Variants in TMEM44 observed in about 807,000 individuals in gnomAD.
The protein encoded by TMEM44 is transmembrane protein 44.
In TMEM44, 43 loss-of-function variants were observed where a neutral mutation model predicts 47.8. The ratio of observed to expected loss-of-function variants is 0.90; its 90% CI spans 0.70 to 1.16. TMEM44 has a LOEUF of 1.16. Among genes scored for constraint, TMEM44 ranks in the 50% most tolerant of loss-of-function variants. TMEM44 has a pLI of 0.00. For synonymous variants in TMEM44, 277 were observed against 238.8 expected, an observed-to-expected ratio of 1.16 and a Z score of -1.48; for missense variants, 568 against 555.2, an observed-to-expected ratio of 1.02 and a Z score of -0.23.
chr3:194,595,614 T>C (rs1469024161), intron 9 of TMEM44, among the ~76,000 whole-genome samples: 4 of 28,000 alleles, frequency 1.4e-4, no homozygotes, highest in Admixed American at 4.1e-4. Flanking sequence ...CCAGCTTCAG[T>C]TCTCATTCTC....
chr3:194,623,333 C>T (rs1716782912), intron 4 of TMEM44, 23 bp from the exon 5 acceptor site: 2 of 1,588,390 alleles, frequency 1.3e-6, no homozygotes, highest in African/African-American at 1.3e-5. Context: ...ACAGGTGATC[C>T]ACCATCAGTA....
intron 3 of TMEM44, among the ~76,000 whole-genome samples, chr3:194,625,444 T>TG (rs1717052295): frequency 9.1e-5 from 11 of 120,294 alleles, no homozygotes; most frequent in Admixed American, 5.1e-4. Flanking sequence ...GGGGGGGGGT[T>TG]GTTTTTGTTT....
intron 9 of TMEM44, among the ~76,000 whole-genome samples, chr3:194,594,117 T>TTCTTTCTA (rs1553824378): frequency 1.1e-3 from 96 of 85,558 alleles, no homozygotes; most frequent in South Asian, 2.1e-3. Flanking sequence ...TGGCCTAATT[T>TTCTTTCTA]TCTATCTATC....
rs1482358276 is a variant in TMEM44, at chr3:194,611,629, G to A, written c.913-609C>T. Among the ~76,000 whole-genome samples, 1 of 152,228 alleles carries A rather than the reference G, an allele frequency of 6.6e-6. No individual in the cohort carries two copies. The highest frequency in any genetic ancestry group is 1.5e-5 in the Non-Finnish European group (1 of 68,040). On this transcript the variant is annotated intron_variant, in intron 7 of 9. Coordinates refer to ENST00000347147, the MANE Select transcript of TMEM44 (RefSeq NM_001011655.3). The surrounding 1 kb of genome is among the most constrained non-coding windows in gnomAD (Gnocchi z 4.2). ...CCAGATGATTCTAACGTGCGGCCAA[G>A]TTTGCGAACCACTGCAATAGGTGCC...
chr3:194,624,502 T>C (rs1428871198), intron 3 of TMEM44, among the ~76,000 whole-genome samples: 2 of 152,120 alleles, frequency 1.3e-5, no homozygotes, highest in Admixed American at 1.3e-4. Context: ...CACTGCAGCC[T>C]CCACCTCCTG....
intron 1 of TMEM44, among the ~76,000 whole-genome samples, chr3:194,630,103 T>C (rs1717634218): frequency 9.0e-6 from 1 of 111,532 alleles, no homozygotes; most frequent in African/African-American, 3.5e-5. Flanking sequence ...GCTGGCTGTT[T>C]CCATCGGCGT....
chr3:194,627,448 T>TGTTA (rs1283715187), intron 2 of TMEM44, among the ~76,000 whole-genome samples: 3 of 151,380 alleles, frequency 2.0e-5, no homozygotes, highest in Non-Finnish European at 2.9e-5. Flanking sequence ...CACACAGGTT[T>TGTTA]GAGGGCCTAC....
At chr3:194,598,584 G>A (rs9839757) in intron 9 of TMEM44, among the ~76,000 whole-genome samples, 64,747 of 151,914 alleles carry the variant, frequency 0.43, 14,653 homozygotes, top group East Asian at 0.77. Flanking sequence ...AAACGGTGCT[G>A]GGAAGCGATA....
intron 3 of TMEM44, among the ~76,000 whole-genome samples, chr3:194,624,888 A>G (rs1012079285): frequency 1.3e-5 from 2 of 151,432 alleles, no homozygotes; most frequent in African/African-American, 4.9e-5. Flanking sequence ...TAATTTTTGT[A>G]TTTTTTTAGT....
rs1158214255 is a variant in TMEM44 at position 194,610,976 on chromosome 3, T to C, written c.957A>G (p.Ser319=). 1.2e-6 allele frequency: 2 copies of C among 1,613,952 alleles called. No homozygotes were observed. Among genetic ancestry groups the C allele is most frequent in the Non-Finnish European group, 1.7e-6 (2 of 1,180,016 alleles). Residue 319 remains serine, a synonymous_variant, in exon 8 of 10, where the codon TCA becomes TCG. Transcript: ENST00000347147. ...GACTGATTGCTGTCATTGTCCTCAGTGACTTGCAGTGTGACAGTGTGGTGA... is the reference window on the plus strand; with the variant it reads ...GACTGATTGCTGTCATTGTCCTCAGCGACTTGCAGTGTGACAGTGTGGTGA... The part of the protein sequence containing the change: ...VPLTTLSHCK[S]LRTMTAISRY...
At chr3:194,609,590 ACTT>A (rs1715106853) in intron 8 of TMEM44, among the ~76,000 whole-genome samples, 1 of 151,770 alleles carries the variant, frequency 6.6e-6, no homozygotes, top group Non-Finnish European at 1.5e-5. Context: ...CATGGGGTGA[ACTT>A]CTCGTCACCT....
intron 8 of TMEM44, among the ~76,000 whole-genome samples, chr3:194,610,174 T>G (rs983826212): frequency 2.0e-5 from 3 of 150,744 alleles, no homozygotes; most frequent in African/African-American, 7.3e-5. Flanking sequence ...TGAGCTGAGA[T>G]CATGCCACTG....
intron 2 of TMEM44, among the ~76,000 whole-genome samples, chr3:194,627,636 A>C (rs1172471668): frequency 6.6e-6 from 1 of 152,118 alleles, no homozygotes; most frequent in Non-Finnish European, 1.5e-5. Context: ...CAGTGAACAA[A>C]TCCTTGCCCT....
At chr3:194,591,635 CAG>C (rs1276439626) in intron 9 of TMEM44, among the ~76,000 whole-genome samples, 1 of 151,888 alleles carries the variant, frequency 6.6e-6, no homozygotes, top group Non-Finnish European at 1.5e-5. Context: ...TATTTTGAGA[CAG>C]AGTCTCACTC....
intron 9 of TMEM44, among the ~76,000 whole-genome samples, chr3:194,602,742 G>C (rs917649884): frequency 1.3e-5 from 2 of 152,222 alleles, no homozygotes; most frequent in Non-Finnish European, 2.9e-5. Flanking sequence ...GGTGAGGGGA[G>C]GGGGTGTGTG....
At chr3:194,626,105 C>T (rs533726730) in intron 2 of TMEM44, 115 bp from the exon 3 acceptor site, 108 of 757,742 alleles carry the variant, frequency 1.4e-4, no homozygotes, top group Non-Finnish European at 2.2e-4. Flanking sequence ...TGCTTTCTTA[C>T]GTACTCCTCC....
At position 194,617,229 on chromosome 3, in the gene TMEM44, CG is replaced by C. The variant is rs1485591246; in HGVS notation, c.652del (p.Arg218GlyfsTer33). ...GAGGCCAGCCAGGGCCGACAGGAGCCGGGTCCACAGGTGGATGGAGGGAAAT... is the reference window on the plus strand; with the variant it reads ...GAGGCCAGCCAGGGCCGACAGGAGCCGGTCCACAGGTGGATGGAGGGAAAT... ...KTFPSIHLWT[R>X]LLSALAGLLY... On this transcript the variant is annotated frameshift_variant, in exon 6 of 10. Transcript: ENST00000347147. LOFTEE classifies it high-confidence loss of function. 2.8e-5 allele frequency: 38 copies of C among 1,333,506 alleles called. No individual in the cohort carries two copies. Among genetic ancestry groups the C allele is most frequent in the Non-Finnish European group, 3.2e-5 (32 of 1,009,604 alleles). The allele number at this position is 1,333,506 out of a possible 1,614,324, so 82.6% of individuals were successfully genotyped here. A position where few individuals can be genotyped will look rare whatever the true frequency, so the allele number is the denominator to read the frequency against.
intron 8 of TMEM44, among the ~76,000 whole-genome samples, chr3:194,608,863 C>T (rs1484300185): frequency 1.3e-5 from 2 of 152,078 alleles, no homozygotes; most frequent in Non-Finnish European, 2.9e-5. Flanking sequence ...GTGTTTTAAA[C>T]AAAGGAGGAA....
At chr3:194,589,833 G>C (rs1430770853) in intron 9 of TMEM44, 1 of 152,054 alleles carries the variant, frequency 6.6e-6, no homozygotes, top group African/African-American at 2.4e-5. Flanking sequence ...TCACTAATTT[G>C]CCTTCGTTTT....
Sources: gnomAD v4.1 joint callset for allele counts (sites outside exome capture counted in the v4.1 genomes callset) on GRCh38, gnomAD v4.1.1 for gene constraint, Gnocchi (gnomAD v3.1) non-coding constraint, MANE v1.5 for transcripts, NCBI Gene and HGNC (gene_info 2026-07-23, HGNC 2026-07-21) for gene names.